The following KAZN variants were observed in gnomAD, a reference collection of about 807,000 sequenced individuals.
KAZN encodes kazrin, periplakin interacting protein, also known as kazrin.
A neutral mutation model predicts 87.4 loss-of-function variants in KAZN; 40 were observed. The observed-to-expected ratio is 0.46, with a 90% CI of 0.36 to 0.60. KAZN has a LOEUF of 0.60. Ranked by LOEUF, KAZN falls within the 20% of genes least tolerant of loss-of-function variation. KAZN has a pLI of 0.00. For missense variants in KAZN, 898 were observed against 1,073.9 expected (o/e 0.84, Z 2.29); for synonymous variants, 466 against 458.3 (o/e 1.02, Z -0.22).
At chr1:14,363,720 G>A (rs1474953552) in intron 2 of KAZN, among the ~76,000 whole-genome samples, 2 of 152,128 alleles carry the variant, frequency 1.3e-5, no homozygotes, top group Non-Finnish European at 2.9e-5. Flanking sequence ...AAGGGTTGTA[G>A]AAAGAAAGAA....
intron 1 of KAZN, among the ~76,000 whole-genome samples, chr1:14,736,254 G>GGTGTGTGTGTGTGTGTGTGTGT (rs528070001): frequency 5.2e-5 from 6 of 115,310 alleles, no homozygotes; most frequent in Non-Finnish European, 1.1e-4. Flanking sequence ...GGGACTCAAG[G>GGTGTGTGTGTGTGTGTGTGTGT]GTGTGTGTGT....
intron 2 of KAZN, among the ~76,000 whole-genome samples, chr1:14,278,554 T>C (rs929035286): frequency 6.6e-6 from 1 of 152,090 alleles, no homozygotes; most frequent in Non-Finnish European, 1.5e-5. Context: ...CCTCCCAAAG[T>C]GCTGGGATTA....
chr1:15,025,685 G>GGA (rs1484382446), intron 2 of KAZN, among the ~76,000 whole-genome samples: 45 of 152,222 alleles, frequency 3.0e-4, no homozygotes, highest in Admixed American at 2.9e-3. Flanking sequence ...GGGTGCACTT[G>GGA]GAGAGAGAGT....
intron 2 of KAZN, among the ~76,000 whole-genome samples, chr1:14,990,125 G>T (rs1487252686): frequency 6.6e-6 from 1 of 152,186 alleles, no homozygotes; most frequent in East Asian, 1.9e-4. Context: ...AAAGTCCAAG[G>T]TTGGGATCTC....
intron 2 of KAZN, among the ~76,000 whole-genome samples, chr1:14,359,469 T>C (rs959368988): frequency 2.4e-4 from 36 of 152,322 alleles, no homozygotes; most frequent in Admixed American, 4.6e-4. Flanking sequence ...TGAATTTGAT[T>C]CTGTCATTAT....
rs539776510 is a variant in KAZN, at chr1:14,951,215, G to A, written c.227-9469G>A. Among the ~76,000 whole-genome samples the A allele has an allele frequency of 3.9e-5, 6 of 152,152 alleles. No individual in the cohort carries two copies. In the East Asian group the frequency reaches 1.2e-3, roughly 29 times the overall value. ...GCTATGCCCACACAAGTACAGAACC[G>A]AGGAGGTGCCCTAGTCCACTGGCAA... On this transcript the variant is annotated intron_variant, in intron 1 of 14. Coordinates refer to ENST00000376030, the MANE Select transcript of KAZN (RefSeq NM_201628.3).
Position 14,891,248 on chromosome 1 carries a change from TG to T in KAZN, c.227-69435del, listed in dbSNP as rs1422686093. 2.6e-5 allele frequency among the ~76,000 whole-genome samples: 4 copies of T among 152,258 alleles called. No individual in the cohort carries two copies. The South Asian group carries it at 6.2e-4, about 24-fold the overall frequency. On this transcript the variant is annotated intron_variant, in intron 1 of 14. Transcript: ENST00000376030. ...TTAGTGGTGATTTGTGAGATTTTGGTGCACCCATCACCATAGCAGTATACGC... is the reference window on the plus strand; with the variant it reads ...TTAGTGGTGATTTGTGAGATTTTGGTCACCCATCACCATAGCAGTATACGC...
At chr1:14,391,154 G>C (rs1290377199) in intron 2 of KAZN, among the ~76,000 whole-genome samples, 1 of 152,174 alleles carries the variant, frequency 6.6e-6, no homozygotes, top group African/African-American at 2.4e-5. Flanking sequence ...TGAGGCCCCA[G>C]TGCATTGGAC....
At position 14,128,735 on chromosome 1, in the gene KAZN, T is replaced by C. The variant is rs141394203; in HGVS notation, c.92-51700T>C. Among the ~76,000 whole-genome samples, 231 of 152,270 alleles carry C rather than the reference T, an allele frequency of 1.5e-3. 1 individual carries two copies. The highest frequency in any genetic ancestry group is 5.4e-3 in the African/African-American group (225 of 41,552). ...AATTTGGGGGGTGAGGAGGGACATATTCCAGCCCATAATAGGTGTCCTCAC... is the reference window on the plus strand; with the variant it reads ...AATTTGGGGGGTGAGGAGGGACATACTCCAGCCCATAATAGGTGTCCTCAC... On this transcript the variant is annotated intron_variant, in intron 1 of 16. Transcript: ENST00000636203.
intron 1 of KAZN, among the ~76,000 whole-genome samples, chr1:14,706,136 C>G (rs1308827244): frequency 6.6e-6 from 1 of 152,100 alleles, no homozygotes; most frequent in Non-Finnish European, 1.5e-5. Context: ...AATTGAGAAT[C>G]TAATGCCCGA....
At chr1:14,578,610 C>T (rs1182244054) in intron 2 of KAZN, among the ~76,000 whole-genome samples, 2 of 152,000 alleles carry the variant, frequency 1.3e-5, no homozygotes, top group Non-Finnish European at 2.9e-5. Context: ...TGAATCAAGT[C>T]TTGGGAGCAG....
intron 1 of KAZN, among the ~76,000 whole-genome samples, chr1:14,883,318 AAGAGAGAGAGAGAGAGAGAGAG>A (rs1219653139): frequency 7.8e-5 from 3 of 38,592 alleles, no homozygotes; most frequent in African/African-American, 1.5e-4. Flanking sequence ...GAAAGAAAGA[AAGAGAGAGAGAGAGAGAGAGAG>A]AGAAAGAAAG....
intron 2 of KAZN, among the ~76,000 whole-genome samples, chr1:14,280,107 A>G (rs982426328): frequency 6.6e-6 from 1 of 152,098 alleles, no homozygotes; most frequent in Non-Finnish European, 1.5e-5. Context: ...TCACACCTGT[A>G]ATCCCAGCGC....
intron 1 of KAZN, among the ~76,000 whole-genome samples, chr1:14,792,960 G>A (rs1336137608): frequency 2.8e-5 from 4 of 143,030 alleles, no homozygotes; most frequent in Non-Finnish European, 6.1e-5. Context: ...TGGCAACAGA[G>A]TGAGACTCTG....
chr1:14,100,180 T>C (rs571875043), intron 1 of KAZN, among the ~76,000 whole-genome samples: 1 of 152,324 alleles, frequency 6.6e-6, no homozygotes, highest in South Asian at 2.1e-4. Context: ...CCTTAGACCC[T>C]GCCTATCCTT....
chr1:14,522,203 G>T (rs935608449), intron 2 of KAZN, among the ~76,000 whole-genome samples: 10 of 152,096 alleles, frequency 6.6e-5, no homozygotes, highest in African/African-American at 2.2e-4. Context: ...CTCTCTCCTG[G>T]CATAGGCACG....
intron 1 of KAZN, among the ~76,000 whole-genome samples, chr1:14,857,434 C>T (rs114879494): frequency 0.014 from 2,176 of 152,196 alleles, 63 homozygotes; most frequent in African/African-American, 0.048. Flanking sequence ...CCCAGCTACT[C>T]CTGAGGCTGG....
chr1:14,415,056 CA>C (rs930473340), intron 2 of KAZN, among the ~76,000 whole-genome samples: 3 of 151,822 alleles, frequency 2.0e-5, no homozygotes, highest in African/African-American at 7.3e-5. Context: ...TACATACATA[CA>C]AAAAAGGAAC....
At chr1:14,032,398 T>TA (rs1214338366) in intron 1 of KAZN, among the ~76,000 whole-genome samples, 9 of 152,172 alleles carry the variant, frequency 5.9e-5, no homozygotes, top group Non-Finnish European at 1.0e-4. Flanking sequence ...ATGGCAGAGT[T>TA]AGAGTTCCAA....
Sources: gnomAD v4.1 joint callset for allele counts (sites outside exome capture counted in the v4.1 genomes callset) on GRCh38, gnomAD v4.1.1 for gene constraint, MANE v1.5 for transcripts, NCBI Gene and HGNC (gene_info 2026-07-23, HGNC 2026-07-21) for gene names.